The following FARP1 variants were observed in gnomAD, a reference collection of about 807,000 sequenced individuals.
FARP1 encodes the protein FERM, ARH/RhoGEF and pleckstrin domain protein 1.
FARP1 carries 52 observed loss-of-function variants against 128.8 expected under a neutral mutation model. The observed-to-expected ratio is 0.40, with a 90% confidence interval of 0.32 to 0.51. FARP1 has a LOEUF of 0.51. Ranked by LOEUF, FARP1 falls within the 20% of genes least tolerant of loss-of-function variation. The pLI is 0.45. For synonymous variants in FARP1, 580 were observed against 551.8 expected (o/e 1.05, Z -0.72); for missense variants, 1,333 against 1,367.9 (o/e 0.97, Z 0.40).
chr13:98,354,284 C>T (rs1319222588), intron 3 of FARP1, among the ~76,000 whole-genome samples: 5 of 152,096 alleles, frequency 3.3e-5, no homozygotes, highest in African/African-American at 1.2e-4. Context: ...ATACGTAAAA[C>T]CATATTCTAC....
intron 2 of FARP1, among the ~76,000 whole-genome samples, chr13:98,286,214 C>G (rs1350241116): frequency 6.6e-6 from 1 of 152,128 alleles, no homozygotes; most frequent in Admixed American, 6.6e-5. Flanking sequence ...TCCTGCGTCT[C>G]GTTATCTGCC....
At chr13:98,184,257 G>A (rs1415432045) in intron 1 of FARP1, among the ~76,000 whole-genome samples, 1 of 151,782 alleles carries the variant, frequency 6.6e-6, no homozygotes, top group Non-Finnish European at 1.5e-5. Flanking sequence ...AGCTGGGATT[G>A]TAGGCGCCTG....
At chr13:98,411,075 A>G (rs1891172257) in intron 15 of FARP1, among the ~76,000 whole-genome samples, 1 of 152,230 alleles carries the variant, frequency 6.6e-6, no homozygotes, top group South Asian at 2.1e-4. Context: ...TTAAAATTAA[A>G]CATTTTACCA....
intron 13 of FARP1, chr13:98,398,204 A>ATTTTGTTTTCC (rs1890629471): frequency 2.0e-5 from 3 of 152,212 alleles, no homozygotes; most frequent in African/African-American, 7.2e-5. Flanking sequence ...ATCCATTTTT[A>ATTTTGTTTTCC]TACAGACTTT....
chr13:98,410,317 A>G lies in FARP1; in HGVS notation c.1603-417A>G, dbSNP rs145670657. On this transcript the variant is annotated intron_variant, in intron 14 of 26. Coordinates refer to ENST00000319562, the MANE Select transcript of FARP1 (RefSeq NM_005766.4). ...CCCTGTCCCTTTAGACCCAGCTACCATGTGTTCCCACAATGTAACTTCCAT... is the reference window on the plus strand; with the variant it reads ...CCCTGTCCCTTTAGACCCAGCTACCGTGTGTTCCCACAATGTAACTTCCAT... Among the ~76,000 whole-genome samples the G allele has an allele frequency of 9.7e-3, 1,477 of 152,302 alleles. 25 individuals carry two copies. The highest frequency in any genetic ancestry group is 0.034 in the African/African-American group (1,401 of 41,558).
rs1890272461 is a variant in FARP1 at position 98,390,662 on chromosome 13, C to T, written c.1020-150C>T. The stretch of plus-strand genomic sequence containing the variant: ...GTGGACCCAAAAATACAGAGTCTGT[C>T]AGGATTGCTTTTAGTCCTGGCTAGC... On this transcript the variant is annotated intron_variant, in intron 10 of 26. Coordinates refer to ENST00000319562, the MANE Select transcript of FARP1 (RefSeq NM_005766.4). 5 of 599,288 alleles carry T rather than the reference C, an allele frequency of 8.3e-6. No individual in the cohort carries two copies. In the South Asian group the frequency reaches 9.3e-5, roughly 11 times the overall value. 37.1% of individuals were successfully genotyped at this position (599,288 alleles called of 1,614,324 possible).
intron 17 of FARP1, among the ~76,000 whole-genome samples, chr13:98,427,481 A>G (rs1435942364): frequency 2.0e-5 from 3 of 152,174 alleles, no homozygotes; most frequent in African/African-American, 2.4e-5. Flanking sequence ...GCCCTCTTCA[A>G]GGAGGCTTGG....
At chr13:98,287,800 CTTTT>C (rs35204639) in intron 2 of FARP1, among the ~76,000 whole-genome samples, 105 of 116,654 alleles carry the variant, frequency 9.0e-4, no homozygotes, top group Middle Eastern at 4.6e-3. Flanking sequence ...CCAGGCACTT[CTTTT>C]TTTTTTTTTT....
At position 98,396,544 on chromosome 13, in the gene FARP1, G is replaced by A. The variant is rs560161802; in HGVS notation, c.1414+1068G>A. 5.7e-3 allele frequency: 2,287 copies of A among 399,012 alleles called. 17 individuals carry two copies. Among genetic ancestry groups the A allele is most frequent in the Middle Eastern group, 0.028 (45 of 1,588 alleles). 24.7% of individuals were successfully genotyped at this position (399,012 alleles called of 1,614,324 possible). On this transcript the variant is annotated intron_variant, in intron 13 of 26. Coordinates refer to ENST00000319562, the MANE Select transcript of FARP1 (RefSeq NM_005766.4). ...AGCAACCTGGGGTCACGAGACCAGG[G>A]TTTCCCTAAAGATCATCTGTTCTAG... is the stretch of plus-strand genomic sequence containing the variant.
intron 2 of FARP1, among the ~76,000 whole-genome samples, chr13:98,233,496 C>A (rs1422917387): frequency 6.6e-6 from 1 of 152,164 alleles, no homozygotes; most frequent in Non-Finnish European, 1.5e-5. Context: ...CAAATACACT[C>A]ATTAGATAGA....
At chr13:98,143,964 C>T (rs1875295937) in intron 1 of FARP1, among the ~76,000 whole-genome samples, 1 of 151,882 alleles carries the variant, frequency 6.6e-6, no homozygotes, top group Non-Finnish European at 1.5e-5. Context: ...CGCTCGCCCA[C>T]GCGCGGCGCG....
intron 24 of FARP1, chr13:98,445,656 G>C (rs9517305): frequency 0.69 from 106,140 of 153,960 alleles, 39,021 homozygotes; most frequent in Non-Finnish European, 0.83. Flanking sequence ...CAATGCATGG[G>C]GTCCTGCGCC....
chr13:98,319,064 G>A (rs1348426182), intron 2 of FARP1, among the ~76,000 whole-genome samples: 1 of 149,690 alleles, frequency 6.7e-6, no homozygotes, highest in Non-Finnish European at 1.5e-5. Flanking sequence ...CTGGGCTAAA[G>A]CAGTCCTCCC....
intron 15 of FARP1, among the ~76,000 whole-genome samples, chr13:98,411,325 A>C (rs1891186364): frequency 2.0e-5 from 3 of 152,202 alleles, no homozygotes; most frequent in Non-Finnish European, 4.4e-5. Flanking sequence ...GATTCTGGGA[A>C]AGCACAAGCC....
Position 98,431,138 on chromosome 13 carries a change from C to G in FARP1, c.2001C>G (p.Asp667Glu). 6.2e-7 allele frequency: 1 copy of G among 1,614,012 alleles called. No individual in the cohort carries two copies. Among genetic ancestry groups the G allele is most frequent in the Non-Finnish European group, 8.5e-7 (1 of 1,179,902 alleles). The change falls in exon 18 of 27, where the codon GAC becomes GAG. Residue 667 changes from aspartate (D) to glutamate (E), a missense_variant. Physicochemically the swap from Asp to Glu is conservative, Grantham distance 45. Around this residue, in one of 2 missense-constraint regions of FARP1, gnomAD observed 1,009 missense variants for 969.8 expected, o/e 1.04. Coordinates refer to ENST00000319562, the MANE Select transcript of FARP1 (RefSeq NM_005766.4). ...SSRRLENFCR[D>E]FELQKVCYLP... ...GGCGGCTGGAGAACTTCTGCAGAGA[C>G]TTTGAGCTGCAGAAGGTGTGTTACC...
At chr13:98,436,394 T>G (rs1892269115) in intron 19 of FARP1, among the ~76,000 whole-genome samples, 1 of 152,200 alleles carries the variant, frequency 6.6e-6, no homozygotes, top group African/African-American at 2.4e-5. Context: ...GAATCAAACG[T>G]ATCATTCAGT....
chr13:98,228,732 G>A (rs886946088), intron 2 of FARP1, among the ~76,000 whole-genome samples: 7 of 152,102 alleles, frequency 4.6e-5, no homozygotes, highest in South Asian at 2.1e-4. Context: ...ATCCACTTAC[G>A]GGATCTTCTG....
intron 2 of FARP1, among the ~76,000 whole-genome samples, chr13:98,228,245 A>T (rs1881908312): frequency 6.6e-6 from 1 of 152,206 alleles, no homozygotes; most frequent in Non-Finnish European, 1.5e-5. Flanking sequence ...CTGTAATCCC[A>T]GCTACTGGGG....
chr13:98,232,146 T>TTTG (rs1555329639), intron 2 of FARP1, among the ~76,000 whole-genome samples: 30 of 115,050 alleles, frequency 2.6e-4, no homozygotes, highest in South Asian at 1.5e-3. Flanking sequence ...GTTTGGTTGG[T>TTTG]TTTTTTTTTT....
Sources: gnomAD v4.1 joint callset for allele counts (sites outside exome capture counted in the v4.1 genomes callset) on GRCh38, gnomAD v4.1.1 for gene constraint, gnomAD v4.1.1 regional missense constraint, MANE v1.5 for transcripts, NCBI Gene and HGNC (gene_info 2026-07-23, HGNC 2026-07-21) for gene names.